CPNE8: variants seen among roughly 807,000 people sequenced by gnomAD.
CPNE8 encodes copine 8, also known as copine-8.
Under a neutral mutation model 81.5 loss-of-function variants are expected in CPNE8, and 45 were observed. The ratio of observed to expected loss-of-function variants is 0.55; its 90% confidence interval spans 0.44 to 0.71. CPNE8 has a LOEUF of 0.71. CPNE8 is among the 30% of genes least tolerant of loss of function. The probability of loss-of-function intolerance (pLI) is 0.00; values close to 1 mark genes in which losing one functional copy is unlikely to be tolerated. For missense variants in CPNE8, 594 were observed against 672.1 expected (o/e 0.88, Z 1.28); for synonymous variants, 252 against 226.3 (o/e 1.11, Z -1.02).
chr12:38,745,646 G>A lies in CPNE8; in HGVS notation c.722+15201C>T, dbSNP rs1386157257. On this transcript the variant is annotated intron_variant, in intron 10 of 19. Transcript: ENST00000331366. ...CAGCCTGGACCTAATGGGCTCAAGC[G>A]ATCCTCCCACCTCAGCCTATCAAGT... 4.6e-5 allele frequency among the ~76,000 whole-genome samples: 7 copies of A among 152,216 alleles called. No homozygotes were observed. In the South Asian group the frequency reaches 8.3e-4, roughly 18 times the overall value.
chr12:38,802,734 G>A (rs561893701), intron 6 of CPNE8, among the ~76,000 whole-genome samples: 29 of 150,768 alleles, frequency 1.9e-4, no homozygotes, highest in Admixed American at 6.6e-4. Context: ...TTTTTGAAAG[G>A]ATCAACAAAA....
At chr12:38,832,151 C>T (rs532862548) in intron 5 of CPNE8, among the ~76,000 whole-genome samples, 4 of 152,304 alleles carry the variant, frequency 2.6e-5, no homozygotes, top group Non-Finnish European at 5.9e-5. Context: ...CTGGCTAGTC[C>T]TAGCTGATTG....
chr12:38,753,665 G>A (rs754377884), intron 10 of CPNE8, among the ~76,000 whole-genome samples: 4 of 152,042 alleles, frequency 2.6e-5, no homozygotes, highest in Non-Finnish European at 5.9e-5. Flanking sequence ...CCTTAACCAC[G>A]GTTTCACTTT....
At chr12:38,732,481 A>G (rs1940853327) in intron 10 of CPNE8, among the ~76,000 whole-genome samples, 1 of 151,970 alleles carries the variant, frequency 6.6e-6, no homozygotes, top group African/African-American at 2.4e-5. Flanking sequence ...CCTCTACAGA[A>G]TTGAGCAGTG....
At chr12:38,793,581 T>C (rs918926637) in intron 6 of CPNE8, among the ~76,000 whole-genome samples, 2 of 151,748 alleles carry the variant, frequency 1.3e-5, no homozygotes, top group Non-Finnish European at 3.0e-5. Flanking sequence ...CACAGATAAA[T>C]GTTAAGACAT....
intron 3 of CPNE8, among the ~76,000 whole-genome samples, chr12:38,852,170 G>A (rs1392974223): frequency 6.6e-6 from 1 of 152,122 alleles, no homozygotes; most frequent in Non-Finnish European, 1.5e-5. Context: ...GCTCACACCT[G>A]TAATTCCAGC....
At chr12:38,658,713 C>T (rs1003416791) in intron 19 of CPNE8, among the ~76,000 whole-genome samples, 26 of 152,252 alleles carry the variant, frequency 1.7e-4, no homozygotes, top group African/African-American at 5.3e-4. Flanking sequence ...AGCAGAAACC[C>T]TACAAGCCAG....
In CPNE8 at chr12:38,761,842, T is replaced by C. The variant is rs181135996; in HGVS notation, c.680+270A>G. Among the ~76,000 whole-genome samples, 5 of 152,302 alleles carry C rather than the reference T, an allele frequency of 3.3e-5. No individual in the cohort carries two copies. In the East Asian group the frequency reaches 9.6e-4, roughly 29 times the overall value. Reference sequence around the variant, plus strand: ...TCAGGGTTGACAATATGTCTAAGCATAGTGTTGCAACTTTCGTGTTTCTAC... The same window carrying C: ...TCAGGGTTGACAATATGTCTAAGCACAGTGTTGCAACTTTCGTGTTTCTAC... On this transcript the variant is annotated intron_variant, in intron 9 of 19. Coordinates refer to ENST00000331366, the MANE Select transcript of CPNE8 (RefSeq NM_153634.3).
intron 1 of CPNE8, 97 bp from the exon 2 acceptor site, chr12:38,874,608 T>C (rs1944041454): frequency 1.4e-6 from 1 of 722,544 alleles, no homozygotes; most frequent in Admixed American, 2.6e-5. Flanking sequence ...ATTGTGTATA[T>C]ATATATAAAC....
chr12:38,875,361 A>G (rs969967938), intron 1 of CPNE8, among the ~76,000 whole-genome samples: 1 of 152,180 alleles, frequency 6.6e-6, no homozygotes. Flanking sequence ...ATTTAAAGCT[A>G]TATGCTTTTC....
At chr12:38,848,352 C>A (rs1943589646) in intron 4 of CPNE8, among the ~76,000 whole-genome samples, 1 of 152,128 alleles carries the variant, frequency 6.6e-6, no homozygotes, top group Admixed American at 6.6e-5. Context: ...TCCTGCATGG[C>A]TAAACTGCTC....
chr12:38,883,313 A>AC (rs1317244991), intron 1 of CPNE8, among the ~76,000 whole-genome samples: 4 of 152,206 alleles, frequency 2.6e-5, no homozygotes, highest in African/African-American at 9.7e-5. Context: ...CATCTATATC[A>AC]TTCAGAACAA....
At chr12:38,843,213 G>T (rs140912909) in intron 4 of CPNE8, among the ~76,000 whole-genome samples, 136 of 152,204 alleles carry the variant, frequency 8.9e-4, no homozygotes, top group African/African-American at 3.1e-3. Flanking sequence ...TGCCCCTTAG[G>T]ATTACGTTTT....
chr12:38,746,850 T>C (rs373839953), intron 10 of CPNE8, among the ~76,000 whole-genome samples: 4 of 152,168 alleles, frequency 2.6e-5, no homozygotes, highest in African/African-American at 9.7e-5. Context: ...AAAAAAGAGA[T>C]TGAATTTGCA....
intron 6 of CPNE8, among the ~76,000 whole-genome samples, chr12:38,798,937 C>G (rs1225707693): frequency 6.6e-6 from 1 of 152,032 alleles, no homozygotes; most frequent in Non-Finnish European, 1.5e-5. Flanking sequence ...CAACAAAGAT[C>G]AAAAGAGACA....
chr12:38,781,010 C>T (rs867305383), intron 6 of CPNE8, among the ~76,000 whole-genome samples: 2 of 151,914 alleles, frequency 1.3e-5, no homozygotes, highest in African/African-American at 4.8e-5. Context: ...AATATGATAG[C>T]ATTAATCAGC....
At chr12:38,817,235 T>C (rs148385458) in intron 6 of CPNE8, among the ~76,000 whole-genome samples, 66 of 152,310 alleles carry the variant, frequency 4.3e-4, no homozygotes, top group African/African-American at 1.3e-3. Context: ...TGTTACCACA[T>C]TGTCAATTCA....
chr12:38,878,920 A>C (rs1944106996), intron 1 of CPNE8, among the ~76,000 whole-genome samples: 1 of 152,210 alleles, frequency 6.6e-6, no homozygotes, highest in Non-Finnish European at 1.5e-5. Context: ...TGGTGTATAA[A>C]ATCACAGTTT....
At position 38,874,451 on chromosome 12, in the gene CPNE8, G is replaced by C; in HGVS notation, c.139+20C>G. 1 of 1,577,066 alleles carries C rather than the reference G, an allele frequency of 6.3e-7. No individual in the cohort carries two copies. The highest frequency in any genetic ancestry group is 8.7e-7 in the Non-Finnish European group (1 of 1,149,876). The stretch of plus-strand genomic sequence containing the variant: ...TGCAAAATCAAATGATTTTTCAAAA[G>C]GCAAGCAATACATACTTACTTGGAT... On this transcript the variant is annotated intron_variant, in intron 2 of 19. Transcript: ENST00000331366.
Sources: gnomAD v4.1 joint callset for allele counts (sites outside exome capture counted in the v4.1 genomes callset) on GRCh38, gnomAD v4.1.1 for gene constraint, MANE v1.5 for transcripts, NCBI Gene and HGNC (gene_info 2026-07-23, HGNC 2026-07-21) for gene names.